Variants in GALNT9 observed in about 807,000 individuals in gnomAD.
GALNT9 encodes the protein GalNAc transferase 9.
Under a neutral mutation model 63.1 loss-of-function variants are expected in GALNT9, and 47 were observed. The ratio of observed to expected loss-of-function variants is 0.75; its 90% CI spans 0.59 to 0.95. The LOEUF is 0.95. Among genes scored for constraint, GALNT9 ranks in the 40% least tolerant of loss-of-function variants. The pLI, the probability that GALNT9 is intolerant of heterozygous loss-of-function variation, is 0.00. For missense variants in GALNT9, 829 were observed against 874.8 expected, an observed-to-expected ratio of 0.95 and a Z score of 0.66; for synonymous variants, 396 against 365.7, an observed-to-expected ratio of 1.08 and a Z score of -0.94.
intron 6 of GALNT9, among the ~76,000 whole-genome samples, chr12:132,227,635 C>T (rs1276241649): frequency 2.0e-5 from 3 of 152,148 alleles, no homozygotes; most frequent in African/African-American, 4.8e-5. Context: ...AATGTCTGCA[C>T]GTGATGAAAA....
chr12:132,315,948 AAC>A lies in GALNT9; in HGVS notation c.238+13016_238+13017del, dbSNP rs1374364417. 6.6e-6 allele frequency among the ~76,000 whole-genome samples: 1 copy of A among 152,182 alleles called. No individual in the cohort carries two copies. The highest frequency in any genetic ancestry group is 1.5e-5 in the Non-Finnish European group (1 of 68,024). ...AAAGCGGACAGCCTCTGGCCCTGAG[AAC>A]AGTCTCCAGAATGTTCGAGAGTGGA... On this transcript the variant is annotated intron_variant, in intron 1 of 10. Transcript: ENST00000328957. This position sits in a 1 kb window ranked among gnomAD's most constrained non-coding sequence, Gnocchi z 6.1.
In GALNT9 at chr12:132,329,147, C is replaced by T. The variant is rs1555246765; in HGVS notation, c.57G>A (p.Val19=). Residue 19 remains valine (V), a synonymous_variant, in exon 1 of 11, where the codon GTG becomes GTA. Transcript: ENST00000328957. ...TLLTVNILVF[V]GIVLFSVYCR... ...AGTACACGGAGAACAGGACGATGCC[C>T]ACGAACACCAGGATGTTCACCGTCA... 1.9e-6 allele frequency: 3 copies of T among 1,549,392 alleles called. No homozygotes were observed. In the South Asian group the frequency reaches 3.6e-5, roughly 18 times the overall value.
intron 1 of GALNT9, among the ~76,000 whole-genome samples, chr12:132,321,408 C>T (rs534575728): frequency 5.9e-5 from 9 of 152,162 alleles, no homozygotes; most frequent in Non-Finnish European, 1.2e-4. Flanking sequence ...GAGACGGGCA[C>T]CACCAGAGAT....
chr12:132,324,260 G>A (rs1555246343), intron 1 of GALNT9, among the ~76,000 whole-genome samples: 4 of 152,292 alleles, frequency 2.6e-5, no homozygotes, highest in African/African-American at 7.2e-5. Flanking sequence ...CAGAGTGGGG[G>A]CCGCAGGACA....
At chr12:132,304,222 T>C (rs181653368) in intron 1 of GALNT9, among the ~76,000 whole-genome samples, 130 of 3,920 alleles carry the variant, frequency 0.033, no homozygotes, top group Admixed American at 0.043. Context: ...CCTGGGCACA[T>C]CCTCACCGGG....
chr12:132,220,949 C>G (rs543671040), intron 6 of GALNT9, among the ~76,000 whole-genome samples: 3 of 147,870 alleles, frequency 2.0e-5, no homozygotes, highest in African/African-American at 5.0e-5. Context: ...CCCAGGTACT[C>G]GGGAGGCTGA....
Position 132,286,259 on chromosome 12 carries a change from C to G in GALNT9, c.410G>C (p.Arg137Pro), listed in dbSNP as rs1555242163. ...GCAGTCACTCACTCACTTTCTGGGCCGGTAGTCGGGGATGCTCCGATCGAG... is the reference window on the plus strand; with the variant it reads ...GCAGTCACTCACTCACTTTCTGGGCGGGTAGTCGGGGATGCTCCGATCGAG... The part of the protein sequence containing the change: ...ISLDRSIPDY[R>P]PRKCRQMSYA... The change falls in exon 2 of 11, where the codon CGG becomes CCG. Residue 137 changes from arginine (R) to proline (P), a missense_variant. Transcript: ENST00000328957. This position sits in a 1 kb window ranked among gnomAD's most constrained non-coding sequence, Gnocchi z 7.4. The G allele has an allele frequency of 2.6e-6, 4 of 1,550,160 alleles. No homozygotes were observed. Among genetic ancestry groups the G allele is most frequent in the Non-Finnish European group, 3.5e-6 (4 of 1,146,200 alleles).
chr12:132,239,813 GA>G (rs1173943821), intron 6 of GALNT9, among the ~76,000 whole-genome samples: 1 of 152,096 alleles, frequency 6.6e-6, no homozygotes, highest in Non-Finnish European at 1.5e-5. Flanking sequence ...CAGAGATAAA[GA>G]GACACAGAAA....
chr12:132,207,834 GGA>G (rs1196155963), intron 6 of GALNT9, among the ~76,000 whole-genome samples: 1 of 152,098 alleles, frequency 6.6e-6, no homozygotes, highest in Non-Finnish European at 1.5e-5. Context: ...TGATAAAGTC[GGA>G]GAGTGAACCC....
chr12:132,199,384 G>A, intron 8 of GALNT9, 115 bp from the exon 9 acceptor site: 3 of 715,412 alleles, frequency 4.2e-6, no homozygotes, highest in African/African-American at 3.5e-5. Context: ...GGGAGGAGGA[G>A]GGGGCGTGTG....
rs953394403 is a variant in GALNT9 at position 132,310,569 on chromosome 12, C to G, written c.238+18397G>C. Among the ~76,000 whole-genome samples, 15 of 152,280 alleles carry G rather than the reference C, an allele frequency of 9.9e-5. No individual in the cohort carries two copies. The Middle Eastern group carries it at 0.01, about 104-fold the overall frequency. On this transcript the variant is annotated intron_variant, in intron 1 of 10. Transcript: ENST00000328957. This position sits in a 1 kb window ranked among gnomAD's most constrained non-coding sequence, Gnocchi z 4.8. The stretch of plus-strand genomic sequence containing the variant: ...CTTGGCCGCCTGCTTTCCCAGCACA[C>G]GATACCTGGGATATGTGGGCGGCTG...
At position 132,270,678 on chromosome 12, in the gene GALNT9, AGCCACAGCCATG is replaced by A. The variant is rs782664458; in HGVS notation, c.420-8065_420-8054del. ...TCTCCCGGCCAGAGCCCGACCACACAGCCACAGCCATGGCCACAGCCACAGCCACGGACACGG... is the reference window on the plus strand; with the variant it reads ...TCTCCCGGCCAGAGCCCGACCACACAGCCACAGCCACAGCCACGGACACGG... On this transcript the variant is annotated intron_variant, in intron 2 of 10. Transcript: ENST00000328957. 7.6e-3 allele frequency among the ~76,000 whole-genome samples: 1,152 copies of A among 152,308 alleles called. 8 individuals carry two copies. The highest frequency in any genetic ancestry group is 0.012 in the Non-Finnish European group (794 of 68,014).
At chr12:132,313,805 TCCACCCATCCACCCACCCAGCCAC>T (rs1881913810) in intron 1 of GALNT9, among the ~76,000 whole-genome samples, 1 of 38,236 alleles carries the variant, frequency 2.6e-5, no homozygotes, top group Non-Finnish European at 5.0e-5. Context: ...CACCCACCCA[TCCACCCATCCACCCACCCAGCCAC>T]CCACCCATCC....
intron 1 of GALNT9, among the ~76,000 whole-genome samples, chr12:132,305,913 A>T (rs1450682265): frequency 5.3e-5 from 8 of 152,072 alleles, no homozygotes; most frequent in Non-Finnish European, 8.8e-5. Flanking sequence ...GGTCCAAAGG[A>T]GCTGAGTCAG....
chr12:132,286,488 C>T lies in GALNT9; in HGVS notation c.239-58G>A. The T allele has an allele frequency of 6.7e-7, 1 of 1,482,236 alleles. No individual in the cohort carries two copies. The highest frequency in any genetic ancestry group is 2.5e-5 in the East Asian group (1 of 39,782). The allele number at this position is 1,482,236 out of a possible 1,614,324, so 91.8% of individuals were successfully genotyped here. ...GCCCAGGACACGCTGCGTCTGCACC[C>T]AGGAGACGCCCCTCCCGCCCCTCTC... On this transcript the variant is annotated intron_variant, in intron 1 of 10. Coordinates refer to ENST00000328957, the MANE Select transcript of GALNT9 (RefSeq NM_001122636.2). The surrounding 1 kb of genome is among the most constrained non-coding windows in gnomAD (Gnocchi z 7.4).
At chr12:132,198,437 G>GCTGGGGCTGGGC (rs1371122169) in intron 9 of GALNT9, among the ~76,000 whole-genome samples, 1 of 151,288 alleles carries the variant, frequency 6.6e-6, no homozygotes, top group East Asian at 1.9e-4. Flanking sequence ...CGGGGCTGGG[G>GCTGGGGCTGGGC]CTGGGGCTGG....
intron 5 of GALNT9, among the ~76,000 whole-genome samples, chr12:132,251,061 C>T (rs1593085236): frequency 3.3e-5 from 5 of 152,296 alleles, no homozygotes; most frequent in Admixed American, 2.6e-4. Context: ...GTTTGGAACA[C>T]GTCGAGAATA....
In GALNT9 at chr12:132,238,710, C is replaced by T. The variant is rs1360073543; in HGVS notation, c.1077+9200G>A. Among the ~76,000 whole-genome samples, 1 of 152,068 alleles carries T rather than the reference C, an allele frequency of 6.6e-6. No homozygotes were observed. The highest frequency in any genetic ancestry group is 2.4e-5 in the African/African-American group (1 of 41,400). On this transcript the variant is annotated intron_variant, in intron 6 of 10. Coordinates refer to ENST00000328957, the MANE Select transcript of GALNT9 (RefSeq NM_001122636.2). This position sits in a 1 kb window ranked among gnomAD's most constrained non-coding sequence, Gnocchi z 6.5. ...AGCCTCTCTGGGCCTCAGCTCCTCCCCAGGGCTGTGGGAGGGGCCAGGAGA... is the reference window on the plus strand; with the variant it reads ...AGCCTCTCTGGGCCTCAGCTCCTCCTCAGGGCTGTGGGAGGGGCCAGGAGA...
rs1004097182 is a variant in GALNT9 at position 132,203,496 on chromosome 12, G to A, written c.1263+9C>T. ...CATGGCCCCGGCTCCCGGCCTGTGG[G>A]GGACTCACCGACATGGGGATGTTCC... On this transcript the variant is annotated intron_variant, in intron 7 of 10. Coordinates refer to ENST00000328957, the MANE Select transcript of GALNT9 (RefSeq NM_001122636.2). The A allele has an allele frequency of 6.2e-7, 1 of 1,613,166 alleles. No individual in the cohort carries two copies. Among genetic ancestry groups the A allele is most frequent in the African/African-American group, 1.3e-5 (1 of 74,926 alleles).
Sources: allele counts gnomAD v4.1 joint callset (sites outside exome capture counted in the v4.1 genomes callset), GRCh38; gene constraint gnomAD v4.1.1; non-coding constraint Gnocchi (gnomAD v3.1); transcripts MANE v1.5; gene names NCBI Gene and HGNC (gene_info 2026-07-23, HGNC 2026-07-21).